TRPM3: variants seen among roughly 807,000 people sequenced by gnomAD.
TRPM3 encodes the protein long transient receptor potential channel 3.
In TRPM3, 77 loss-of-function variants were observed where a neutral mutation model predicts 181.2. The ratio of observed to expected loss-of-function variants is 0.42; its 90% confidence interval spans 0.35 to 0.51. The LOEUF is 0.51. TRPM3 is among the 20% of genes least tolerant of loss of function. The pLI, the probability that TRPM3 is intolerant of heterozygous loss-of-function variation, is 0.01. For synonymous variants in TRPM3, 745 were observed against 796.4 expected, an observed-to-expected ratio of 0.94 and a Z score of 1.09; for missense variants, 1,759 against 2,196.7, an observed-to-expected ratio of 0.80 and a Z score of 3.98.
At chr9:70,891,351 A>T (rs1322424842) in intron 1 of TRPM3, among the ~76,000 whole-genome samples, 2 of 152,200 alleles carry the variant, frequency 1.3e-5, no homozygotes, top group Non-Finnish European at 2.9e-5. Flanking sequence ...AAAATAGCTA[A>T]ATCCCATTTT....
At chr9:70,679,274 G>A (rs1366017659) in intron 9 of TRPM3, among the ~76,000 whole-genome samples, 3 of 152,070 alleles carry the variant, frequency 2.0e-5, no homozygotes, top group African/African-American at 7.2e-5. Flanking sequence ...AAATACATAT[G>A]TGTAACTATT....
rs189980445 is a variant in TRPM3 at position 70,859,354 on chromosome 9, G to A, written c.462+3554C>T. ...CAATGGAAGATCTATCTGCTTCTTCGAGTCTTTCTTTCCACTGTGAAATAT... is the reference window on the plus strand; with the variant it reads ...CAATGGAAGATCTATCTGCTTCTTCAAGTCTTTCTTTCCACTGTGAAATAT... On this transcript the variant is annotated intron_variant, in intron 3 of 25. Coordinates refer to ENST00000677713, the MANE Select transcript of TRPM3 (RefSeq NM_001366145.2). Among the ~76,000 whole-genome samples, 11 of 152,200 alleles carry A rather than the reference G, an allele frequency of 7.2e-5. 1 individual carries two copies. Among genetic ancestry groups the A allele is most frequent in the Admixed American group, 5.9e-4 (9 of 15,276 alleles).
chr9:70,700,106 C>A (rs2071935198), intron 8 of TRPM3, among the ~76,000 whole-genome samples: 1 of 152,092 alleles, frequency 6.6e-6, no homozygotes, highest in Admixed American at 6.5e-5. Flanking sequence ...CCTCAGACAC[C>A]CGAGTAGCTT....
chr9:70,919,996 C>T (rs1443655077), intron 1 of TRPM3, among the ~76,000 whole-genome samples: 3 of 152,078 alleles, frequency 2.0e-5, no homozygotes, highest in Non-Finnish European at 1.5e-5. Flanking sequence ...CTGCAGTTTA[C>T]TAAATTGATC....
intron 22 of TRPM3, among the ~76,000 whole-genome samples, chr9:70,586,125 C>A (rs1455297680): frequency 6.6e-6 from 1 of 152,182 alleles, no homozygotes; most frequent in Non-Finnish European, 1.5e-5. Context: ...CATCTCCCAC[C>A]CCAGGTAGAA....
intron 1 of TRPM3, among the ~76,000 whole-genome samples, chr9:71,197,168 A>C (rs995300280): frequency 9.2e-5 from 14 of 152,098 alleles, no homozygotes; most frequent in African/African-American, 3.4e-4. Context: ...ATGATTCCCA[A>C]TTTCATCCAT....
At chr9:70,987,399 G>C (rs1186767687) in intron 1 of TRPM3, among the ~76,000 whole-genome samples, 1 of 152,120 alleles carries the variant, frequency 6.6e-6, no homozygotes, top group Non-Finnish European at 1.5e-5. Context: ...CTCTGCGTAA[G>C]ATGCAACTTC....
rs2073613308 is a variant in TRPM3, at chr9:71,121,351, G to A, written c.4C>T (p.Pro2Ser). The change falls in exon 1 of 26, where the codon CCA (proline) becomes TCA (serine). Residue 2 changes from proline to serine, a missense_variant. Pro to Ser is a moderately conservative substitution (Grantham distance 74, BLOSUM62 -1). Transcript: ENST00000677713. ...AAATAAACGGTCCCCCACGGCTCTG[G>A]CATCCCATGGTCATCTCCACACCTG... The part of the protein sequence containing the change: M[P>S]EPWGTVYFLG... The A allele has an allele frequency of 1.2e-6, 2 of 1,613,444 alleles. No individual in the cohort carries two copies. Among genetic ancestry groups the A allele is most frequent in the Non-Finnish European group, 1.7e-6 (2 of 1,179,854 alleles).
intron 1 of TRPM3, among the ~76,000 whole-genome samples, chr9:71,234,219 A>C (rs1259079647): frequency 1.3e-5 from 2 of 152,182 alleles, no homozygotes; most frequent in Non-Finnish European, 2.9e-5. Context: ...ACAACATGGC[A>C]GTTGGTTTCT....
At chr9:70,775,582 TGAGGAG>T (rs1411506615) in intron 7 of TRPM3, 1 of 152,180 alleles carries the variant, frequency 6.6e-6, no homozygotes, top group Non-Finnish European at 1.5e-5. Context: ...CCCGGAATTT[TGAGGAG>T]GAGCTCCACA....
At chr9:70,619,978 A>T (rs1468525043) in intron 16 of TRPM3, 98 bp downstream of exon 16, 2 of 1,259,036 alleles carry the variant, frequency 1.6e-6, no homozygotes, top group African/African-American at 3.0e-5. Context: ...GGTGATACTG[A>T]TTTCCCTTAA....
At chr9:71,076,241 G>A (rs1370365261) in intron 1 of TRPM3, among the ~76,000 whole-genome samples, 1 of 152,056 alleles carries the variant, frequency 6.6e-6, no homozygotes, top group African/African-American at 2.4e-5. Context: ...ACACAGGAGA[G>A]TATTTACACC....
At chr9:71,203,718 A>T (rs1049680544) in intron 1 of TRPM3, among the ~76,000 whole-genome samples, 1 of 152,222 alleles carries the variant, frequency 6.6e-6, no homozygotes, top group African/African-American at 2.4e-5. Flanking sequence ...GATTTAATAC[A>T]CATGGTACTC....
intron 1 of TRPM3, among the ~76,000 whole-genome samples, chr9:70,982,289 C>G (rs1283418915): frequency 2.6e-5 from 4 of 152,124 alleles, no homozygotes; most frequent in African/African-American, 9.7e-5. Context: ...CCACCACTTC[C>G]CTGGTACACT....
At chr9:70,798,134 C>T (rs528430229) in intron 6 of TRPM3, among the ~76,000 whole-genome samples, 9 of 152,188 alleles carry the variant, frequency 5.9e-5, no homozygotes, top group Admixed American at 3.9e-4. Context: ...GGCTCACTGC[C>T]GCCTCGACTT....
chr9:70,555,416 T>C (rs2047439822), intron 22 of TRPM3, among the ~76,000 whole-genome samples: 1 of 152,192 alleles, frequency 6.6e-6, no homozygotes, highest in African/African-American at 2.4e-5. Flanking sequence ...GGAAGGTTGC[T>C]CCTCAAGATT....
intron 1 of TRPM3, among the ~76,000 whole-genome samples, chr9:71,320,953 T>TC (rs1182510371): frequency 6.6e-6 from 1 of 152,022 alleles, no homozygotes; most frequent in Non-Finnish European, 1.5e-5. Context: ...TCCCTCATCC[T>TC]CCTCCCACAT....
At chr9:71,085,585 A>C (rs552826679) in intron 1 of TRPM3, among the ~76,000 whole-genome samples, 3 of 152,116 alleles carry the variant, frequency 2.0e-5, no homozygotes, top group East Asian at 3.9e-4. Context: ...GCAGCCAACA[A>C]ACATGAACAG....
chr9:71,259,441 G>A (rs2082890440), intron 1 of TRPM3, among the ~76,000 whole-genome samples: 1 of 152,092 alleles, frequency 6.6e-6, no homozygotes, highest in South Asian at 2.1e-4. Flanking sequence ...GGTATTTCTG[G>A]TTCTAGATCC....
Sources: gnomAD v4.1 joint callset for allele counts (sites outside exome capture counted in the v4.1 genomes callset) on GRCh38, gnomAD v4.1.1 for gene constraint, MANE v1.5 for transcripts, NCBI Gene and HGNC (gene_info 2026-07-23, HGNC 2026-07-21) for gene names.